PHF24: variants seen among roughly 807,000 people sequenced by gnomAD.
PHF24 encodes the protein Galpha inhibitory interacting protein.
In PHF24, 25 loss-of-function variants were observed where a neutral mutation model predicts 42.6. The ratio of observed to expected loss-of-function variants is 0.59; its 90% CI spans 0.43 to 0.82. The LOEUF is 0.82. Among genes scored for constraint, PHF24 ranks in the 40% least tolerant of loss-of-function variants. The pLI, the probability that PHF24 is intolerant of heterozygous loss-of-function variation, is 0.00. For missense variants in PHF24, 470 were observed against 538.1 expected (o/e 0.87, Z 1.25); for synonymous variants, 185 against 204.8 (o/e 0.90, Z 0.83).
chr9:34,774,443 A>C, the PHF24 span, among the ~76,000 whole-genome samples: 1 of 152,168 alleles, frequency 6.6e-6, no homozygotes, highest in African/African-American at 2.4e-5. Flanking sequence ...TGGGAAAAAG[A>C]CTTGAGAAGG....
chr9:34,850,208 G>T, the PHF24 span, among the ~76,000 whole-genome samples: 1 of 152,120 alleles, frequency 6.6e-6, no homozygotes, highest in East Asian at 1.9e-4. Flanking sequence ...TTCCAACTTG[G>T]TTCCATTCTC....
the PHF24 span, chr9:34,726,495 G>T: frequency 6.4e-7 from 1 of 1,551,642 alleles, no homozygotes. Context: ...TGCTGGCCTT[G>T]GTTTCCCTGG....
the PHF24 span, among the ~76,000 whole-genome samples, chr9:34,667,136 C>T: frequency 6.6e-6 from 1 of 152,152 alleles, no homozygotes; most frequent in Non-Finnish European, 1.5e-5. Flanking sequence ...AAATAGCTGC[C>T]CCAGAGCTCT....
the PHF24 span, among the ~76,000 whole-genome samples, chr9:34,950,500 C>T: frequency 4.0e-5 from 6 of 151,896 alleles, no homozygotes; most frequent in African/African-American, 1.5e-4. Context: ...GCCCATGTGT[C>T]AGAGAGTAAG....
chr9:34,852,589 A>G, the PHF24 span, among the ~76,000 whole-genome samples: 1 of 152,208 alleles, frequency 6.6e-6, no homozygotes, highest in Non-Finnish European at 1.5e-5. Flanking sequence ...CACTTTGAAT[A>G]TATCATCCCA....
the PHF24 span, among the ~76,000 whole-genome samples, chr9:34,868,198 G>T: frequency 6.6e-6 from 1 of 152,176 alleles, no homozygotes; most frequent in Admixed American, 6.5e-5. Context: ...AGACTTTGTA[G>T]TTCCTGGAAT....
At chr9:34,738,952 A>G in the PHF24 span, among the ~76,000 whole-genome samples, 1 of 152,168 alleles carries the variant, frequency 6.6e-6, no homozygotes, top group African/African-American at 2.4e-5. Flanking sequence ...AATGACATTA[A>G]TCTCTAAAGG....
chr9:34,694,955 T>C, the PHF24 span, among the ~76,000 whole-genome samples: 9 of 152,252 alleles, frequency 5.9e-5, no homozygotes, highest in Non-Finnish European at 1.0e-4. Context: ...GGTCTTCATC[T>C]TCCTTTTCTG....
At chr9:34,776,415 G>C in the PHF24 span, among the ~76,000 whole-genome samples, 1 of 152,080 alleles carries the variant, frequency 6.6e-6, no homozygotes, top group African/African-American at 2.4e-5. Context: ...TATCTGACTG[G>C]ATTATTTCAA....
At chr9:34,682,562 T>G in the PHF24 span, among the ~76,000 whole-genome samples, 2 of 152,188 alleles carry the variant, frequency 1.3e-5, no homozygotes, top group African/African-American at 4.8e-5. Flanking sequence ...AGCCATAGTG[T>G]GGACTATAGA....
upstream of PHF24, chr9:34,958,226 G>GCGC (rs1240549939): frequency 0.01 from 1,524 of 151,300 alleles, 23 homozygotes; most frequent in East Asian, 0.021. The surrounding 1 kb of genome is among the most constrained non-coding windows in gnomAD (Gnocchi z 4.5). Context: ...CCGGCCGCGC[G>GCGC]CGCCGCCGCC....
chr9:34,880,179 T>C, the PHF24 span, among the ~76,000 whole-genome samples: 1 of 152,180 alleles, frequency 6.6e-6, no homozygotes, highest in South Asian at 2.1e-4. Context: ...CAGGCCTGCC[T>C]TACAAGAGCT....
chr9:34,893,040 T>C, the PHF24 span: 1 of 946,912 alleles, frequency 1.1e-6, no homozygotes, highest in Non-Finnish European at 1.6e-6. Context: ...ATCTGGTTGT[T>C]CTCACCTGCC....
At chr9:34,902,071 C>T in the PHF24 span, among the ~76,000 whole-genome samples, 1 of 151,918 alleles carries the variant, frequency 6.6e-6, no homozygotes, top group African/African-American at 2.4e-5. Flanking sequence ...AAATACCTTA[C>T]TAATAAAGTA....
At chr9:34,936,339 G>A in the PHF24 span, among the ~76,000 whole-genome samples, 1 of 152,224 alleles carries the variant, frequency 6.6e-6, no homozygotes, top group African/African-American at 2.4e-5. Context: ...CGGAGGTGCC[G>A]GGATTGCAGA....
the PHF24 span, chr9:34,691,024 G>C: frequency 3.6e-6 from 5 of 1,372,718 alleles, no homozygotes; most frequent in African/African-American, 7.2e-5. Context: ...CAAGCAATCT[G>C]AGATCTAGAC....
At chr9:34,678,004 GGAGA>G in the PHF24 span, 1 of 152,192 alleles carries the variant, frequency 6.6e-6, no homozygotes, top group Admixed American at 6.5e-5. Flanking sequence ...TGTTGCCAAA[GGAGA>G]TTAACATTTG....
chr9:34,873,447 T>C, the PHF24 span, among the ~76,000 whole-genome samples: 3 of 151,582 alleles, frequency 2.0e-5, no homozygotes, highest in African/African-American at 7.2e-5. Context: ...CCCAGCACCA[T>C]CTATTAAATA....
At chr9:34,765,039 G>T in the PHF24 span, among the ~76,000 whole-genome samples, 13 of 152,082 alleles carry the variant, frequency 8.5e-5, no homozygotes, top group African/African-American at 3.1e-4. Flanking sequence ...GTGAGTTCTA[G>T]TTTGATTGCA....
Sources: gnomAD v4.1 joint callset for allele counts (sites outside exome capture counted in the v4.1 genomes callset) on GRCh38, gnomAD v4.1.1 for gene constraint, Gnocchi (gnomAD v3.1) non-coding constraint, MANE v1.5 for transcripts, NCBI Gene and HGNC (gene_info 2026-07-23, HGNC 2026-07-21) for gene names.